Variants in FKBP3 observed in about 807,000 individuals in gnomAD.
FKBP3 encodes peptidyl-prolyl cis-trans isomerase FKBP3.
Under a neutral mutation model 30.6 loss-of-function variants are expected in FKBP3, and 21 were observed. The ratio of observed to expected loss-of-function variants is 0.69; its 90% CI spans 0.49 to 0.99. The LOEUF is 0.99. FKBP3 is among the 50% of genes least tolerant of loss of function. The probability of loss-of-function intolerance (pLI) is 0.00; values close to 1 mark genes in which losing one functional copy is unlikely to be tolerated. For synonymous variants in FKBP3, 82 were observed against 91.3 expected, an observed-to-expected ratio of 0.90 and a Z score of 0.58; for missense variants, 283 against 261.6, an observed-to-expected ratio of 1.08 and a Z score of -0.56.
intron 6 of FKBP3, among the ~76,000 whole-genome samples, chr14:45,117,378 A>C (rs1230372613): frequency 6.6e-6 from 1 of 152,214 alleles, no homozygotes; most frequent in Admixed American, 6.5e-5. Context: ...TTTCAAACTT[A>C]ATCTGATGGG....
chr14:45,131,937 T>C (rs541458432), intron 1 of FKBP3, among the ~76,000 whole-genome samples: 31 of 152,368 alleles, frequency 2.0e-4, no homozygotes, highest in Admixed American at 1.9e-3. Context: ...AAAATACTAC[T>C]GCTGAAATAG....
chr14:45,125,384 T>G lies in FKBP3; in HGVS notation c.319-3764A>C, dbSNP rs933027671. On this transcript the variant is annotated intron_variant, in intron 3 of 6. Transcript: ENST00000396062. ...AACATGAATGGCTTTGGGATATATT[T>G]TGGAGGCAGAATCACCAGAAGTTGG... is the stretch of plus-strand genomic sequence containing the variant. Among the ~76,000 whole-genome samples the G allele has an allele frequency of 4.6e-5, 7 of 152,310 alleles. 1 individual carries two copies. The highest frequency in any genetic ancestry group is 1.7e-4 in the African/African-American group (7 of 41,562).
intron 2 of FKBP3, among the ~76,000 whole-genome samples, chr14:45,130,292 T>A (rs1433934620): frequency 6.6e-6 from 1 of 152,216 alleles, no homozygotes; most frequent in Non-Finnish European, 1.5e-5. Flanking sequence ...AAGCTCAGCC[T>A]AAATCTAAAC....
chr14:45,127,223 C>A (rs1019354007), intron 3 of FKBP3, among the ~76,000 whole-genome samples: 2 of 151,414 alleles, frequency 1.3e-5, no homozygotes, highest in African/African-American at 4.9e-5. Context: ...AGGCGATTCT[C>A]CCACCTCAAC....
At chr14:45,121,696 C>T in intron 3 of FKBP3, 76 bp from the exon 4 acceptor site, 1 of 1,510,106 alleles carries the variant, frequency 6.6e-7, no homozygotes, top group Non-Finnish European at 9.0e-7. Flanking sequence ...CAATAGCCAA[C>T]AATGACCAAA....
intron 3 of FKBP3, among the ~76,000 whole-genome samples, chr14:45,126,179 C>G (rs968302954): frequency 6.6e-6 from 1 of 151,106 alleles, no homozygotes; most frequent in Admixed American, 6.6e-5. Flanking sequence ...GCGTGAGCCA[C>G]TGCACCTGGC....
chr14:45,121,702 C>T, intron 3 of FKBP3, 82 bp from the exon 4 acceptor site: 1 of 1,478,672 alleles, frequency 6.8e-7, no homozygotes, highest in Non-Finnish European at 9.1e-7. Context: ...CCAACAATGA[C>T]CAAAGTCAGT....
At chr14:45,122,217 T>C (rs151237302) in intron 3 of FKBP3, among the ~76,000 whole-genome samples, 129 of 152,160 alleles carry the variant, frequency 8.5e-4, no homozygotes, top group Non-Finnish European at 1.7e-3. Flanking sequence ...ATCTAATCAA[T>C]AGCAATTCAT....
In FKBP3 at chr14:45,134,448, C is replaced by T; in HGVS notation, c.9G>A (p.Ala3=). ...CGGTCCACGCCCGCTGTGGAACGGC[C>T]GCCGCCATCTTCCCCCGCTGCCTCC... MA[A]AVPQRAWTVE... is the part of the protein sequence containing the mutation. Residue 3 remains alanine (A), a synonymous_variant, in exon 1 of 7, where the codon GCG becomes GCA. Transcript: ENST00000396062. 2 of 1,610,028 alleles carry T rather than the reference C, an allele frequency of 1.2e-6. No individual in the cohort carries two copies. The highest frequency in any genetic ancestry group is 1.7e-6 in the Non-Finnish European group (2 of 1,177,962).
intron 1 of FKBP3, 111 bp downstream of exon 1, chr14:45,134,238 C>T (rs1885314633): frequency 1.1e-6 from 1 of 922,176 alleles, no homozygotes; most frequent in Non-Finnish European, 1.7e-6. Context: ...GGCCACCGGC[C>T]GCGGGAAGAC....
At chr14:45,116,330 C>CTAGA (rs1249902391) in intron 6 of FKBP3, 78 bp from the exon 7 acceptor site, 28 of 956,330 alleles carry the variant, frequency 2.9e-5, no homozygotes, top group African/African-American at 2.6e-4. Context: ...GATAGGCTGA[C>CTAGA]TAGATAGGCT....
At chr14:45,116,944 G>T (rs1447126811) in intron 6 of FKBP3, among the ~76,000 whole-genome samples, 11 of 151,884 alleles carry the variant, frequency 7.2e-5, no homozygotes, top group Non-Finnish European at 1.6e-4. Flanking sequence ...CTTCACATGG[G>T]AGAGGGAGCT....
At chr14:45,128,989 T>TA (rs1233995021) in intron 3 of FKBP3, among the ~76,000 whole-genome samples, 3 of 152,226 alleles carry the variant, frequency 2.0e-5, no homozygotes, top group Non-Finnish European at 4.4e-5. Flanking sequence ...CATATACCTA[T>TA]AAACATTAAT....
chr14:45,127,115 C>CTTTTTTTTTTTTTTTTTTTTTTTTTTT (rs1231283034), intron 3 of FKBP3, among the ~76,000 whole-genome samples: 22 of 120,664 alleles, frequency 1.8e-4, no homozygotes, highest in African/African-American at 4.8e-4. Flanking sequence ...CTGACCCTGT[C>CTTTTTTTTTTTTTTTTTTTTTTTTTTT]TTTTTTTTTT....
intron 1 of FKBP3, 49 bp downstream of exon 1, chr14:45,134,300 G>T (rs1277166203): frequency 2.1e-6 from 3 of 1,408,808 alleles, no homozygotes; most frequent in Non-Finnish European, 3.0e-6. Context: ...CCAGGGGGGT[G>T]AGGCGTCCCT....
chr14:45,129,331 T>A lies in FKBP3; in HGVS notation c.318+463A>T, dbSNP rs184798183. ...ATGAATTAATCTGGTTCTTCAAACC[T>A]TTGTACCAAAGTATAAAACCTGAGT... On this transcript the variant is annotated intron_variant, in intron 3 of 6. Transcript: ENST00000396062. Among the ~76,000 whole-genome samples the A allele has an allele frequency of 5.9e-5, 9 of 152,340 alleles. No individual in the cohort carries two copies. In the East Asian group the frequency reaches 1.5e-3, roughly 26 times the overall value.
intron 3 of FKBP3, among the ~76,000 whole-genome samples, chr14:45,126,088 G>A (rs1255214749): frequency 1.3e-5 from 2 of 151,858 alleles, no homozygotes; most frequent in South Asian, 2.1e-4. Flanking sequence ...GACAGGTTTC[G>A]CCATGTTGCC....
intron 1 of FKBP3, among the ~76,000 whole-genome samples, chr14:45,132,358 A>T (rs1402343198): frequency 6.6e-6 from 1 of 152,076 alleles, no homozygotes; most frequent in African/African-American, 2.4e-5. Context: ...TAAAATAATT[A>T]TTGTCAAGTA....
At chr14:45,131,628 C>CAA (rs536298530) in intron 1 of FKBP3, among the ~76,000 whole-genome samples, 2,081 of 38,514 alleles carry the variant, frequency 0.054, 162 homozygotes, top group African/African-American at 0.11. Context: ...GACTCTGTCT[C>CAA]AAAAAAAAAA....
Sources: allele counts gnomAD v4.1 joint callset (sites outside exome capture counted in the v4.1 genomes callset), GRCh38; gene constraint gnomAD v4.1.1; transcripts MANE v1.5; gene names NCBI Gene and HGNC (gene_info 2026-07-23, HGNC 2026-07-21).